Variants in CACNA2D3 observed in about 807,000 individuals in gnomAD.
CACNA2D3 encodes voltage-dependent calcium channel subunit alpha-2/delta-3.
CACNA2D3 carries 60 observed loss-of-function variants against 160.6 expected under a neutral mutation model. The ratio of observed to expected loss-of-function variants is 0.37; its 90% CI spans 0.30 to 0.46. The LOEUF is 0.46. CACNA2D3 is among the 20% of genes least tolerant of loss of function. The pLI, the probability that CACNA2D3 is intolerant of heterozygous loss-of-function variation, is 1.00. For synonymous variants in CACNA2D3, 558 were observed against 492.9 expected (o/e 1.13, Z -1.75); for missense variants, 1,205 against 1,365.0 (o/e 0.88, Z 1.85).
At chr3:54,894,543 C>T (rs1322590861) in intron 25 of CACNA2D3, 1 of 486,332 alleles carries the variant, frequency 2.1e-6, no homozygotes, top group Non-Finnish European at 4.1e-6. Flanking sequence ...GAAAAAGGTC[C>T]CCTGTGGGCA....
chr3:54,859,654 G>T (rs1190312425), intron 17 of CACNA2D3, among the ~76,000 whole-genome samples: 1 of 151,994 alleles, frequency 6.6e-6, no homozygotes, highest in Non-Finnish European at 1.5e-5. Context: ...GGTTTTTATT[G>T]GCTTGGCCAC....
At chr3:54,301,268 A>C (rs1045348053) in intron 2 of CACNA2D3, among the ~76,000 whole-genome samples, 4 of 150,028 alleles carry the variant, frequency 2.7e-5, no homozygotes, top group Admixed American at 6.7e-5. Flanking sequence ...AAACAAACAA[A>C]CAACAACAAC....
Position 54,688,979 on chromosome 3 carries a change from CAAAAAAAAAAAAAAAAA to C in CACNA2D3, c.1167+46754_1167+46770del, listed in dbSNP as rs1162900126. On this transcript the variant is annotated intron_variant, in intron 11 of 37. Coordinates refer to ENST00000474759, the MANE Select transcript of CACNA2D3 (RefSeq NM_018398.3). ...CCTGGGAGACAGTGTGAGACTGTCT[CAAAAAAAAAAAAAAAAA>C]AAAAAAAAAAAAAAAGAATGAGGTT... 5.4e-4 allele frequency among the ~76,000 whole-genome samples: 17 copies of C among 31,440 alleles called. 1 individual carries two copies. Among genetic ancestry groups the C allele is most frequent in the Middle Eastern group, 0.056 (1 of 18 alleles). The allele number at this position is 31,440 out of a possible 152,430, so 20.6% of individuals were successfully genotyped here. A position where few individuals can be genotyped will look rare whatever the true frequency, so the allele number is the denominator to read the frequency against.
intron 11 of CACNA2D3, among the ~76,000 whole-genome samples, chr3:54,681,263 A>T (rs970020537): frequency 8.6e-5 from 13 of 151,624 alleles, no homozygotes; most frequent in African/African-American, 2.9e-4. Context: ...GAGACCAGGC[A>T]CGGTGGCTCA....
rs778138727 is a variant in CACNA2D3, at chr3:54,879,053, G to C, written c.1746G>C (p.Lys582Asn). 6.2e-7 allele frequency: 1 copy of C among 1,606,282 alleles called. No individual in the cohort carries two copies. ...CTATGGTGAATCGAAAGACGGGGAA[G>C]TTTTCCATGGAGGTGAAGAAGACAG... Reference protein sequence around the residue: ...RNAMVNRKTGKFSMEVKKTVD... With the variant: ...RNAMVNRKTGNFSMEVKKTVD... The change falls in exon 19 of 38, where the codon AAG becomes AAC. Residue 582 changes from lysine to asparagine, a missense_variant. Transcript: ENST00000474759.
chr3:54,126,812 C>T (rs957434780), intron 2 of CACNA2D3, among the ~76,000 whole-genome samples: 4 of 152,316 alleles, frequency 2.6e-5, no homozygotes, highest in Admixed American at 6.5e-5. Context: ...CAGGGGTTTC[C>T]GTTCACTTCA....
At position 54,320,623 on chromosome 3, in the gene CACNA2D3, T is replaced by C. The variant is rs1021687123; in HGVS notation, c.321+65T>C. 13 of 718,874 alleles carry C rather than the reference T, an allele frequency of 1.8e-5. No individual in the cohort carries two copies. The Admixed American group carries it at 2.7e-4, about 15-fold the overall frequency. The allele number at this position is 718,874 out of a possible 1,614,324, so 44.5% of individuals were successfully genotyped here. A position where few individuals can be genotyped will look rare whatever the true frequency, so the allele number is the denominator to read the frequency against. On this transcript the variant is annotated intron_variant, in intron 3 of 37. Coordinates refer to ENST00000474759, the MANE Select transcript of CACNA2D3 (RefSeq NM_018398.3). Reference sequence around the variant, plus strand: ...ACAAAGGCAGCTTCAGGGGATGGCATTGATGAACCAATCTCTCAAAGATAA... The same window carrying C: ...ACAAAGGCAGCTTCAGGGGATGGCACTGATGAACCAATCTCTCAAAGATAA...
rs541732577 is a variant in CACNA2D3 at position 54,389,393 on chromosome 3, G to A, written c.381+2619G>A. ...TAGAAAATTATGGTAATTAACTGAG[G>A]CAAGAATCTTCAGTGGATGCTAAAA... On this transcript the variant is annotated intron_variant, in intron 4 of 37. Transcript: ENST00000474759. Among the ~76,000 whole-genome samples the A allele has an allele frequency of 6.6e-5, 10 of 152,176 alleles. No individual in the cohort carries two copies. In the South Asian group the frequency reaches 1.0e-3, roughly 16 times the overall value.
chr3:54,807,798 A>G (rs1362527636), intron 13 of CACNA2D3, among the ~76,000 whole-genome samples: 1 of 151,794 alleles, frequency 6.6e-6, no homozygotes, highest in Non-Finnish European at 1.5e-5. Context: ...AAGACTTGGA[A>G]CCAACCCAAA....
intron 25 of CACNA2D3, among the ~76,000 whole-genome samples, chr3:54,892,283 A>AC (rs1346521974): frequency 2.0e-5 from 3 of 151,916 alleles, no homozygotes; most frequent in Non-Finnish European, 4.4e-5. Context: ...AGAACATTAT[A>AC]CCCCCAACCT....
chr3:54,125,155 T>C (rs1240563747), intron 2 of CACNA2D3, among the ~76,000 whole-genome samples: 1 of 152,194 alleles, frequency 6.6e-6, no homozygotes, highest in Non-Finnish European at 1.5e-5. Context: ...TCAGAGCCTG[T>C]TAATATTTTT....
chr3:54,878,413 C>T (rs1699714645), intron 18 of CACNA2D3, among the ~76,000 whole-genome samples: 1 of 152,066 alleles, frequency 6.6e-6, no homozygotes, highest in Non-Finnish European at 1.5e-5. Context: ...GAGAGCCAGG[C>T]TCGCTGCTCC....
At chr3:54,809,938 A>G (rs1023352419) in intron 13 of CACNA2D3, among the ~76,000 whole-genome samples, 2 of 152,212 alleles carry the variant, frequency 1.3e-5, no homozygotes, top group Non-Finnish European at 2.9e-5. Flanking sequence ...CTAAACAAGT[A>G]AAGAGGAAGA....
At chr3:54,647,883 C>T (rs1699683836) in intron 11 of CACNA2D3, among the ~76,000 whole-genome samples, 2 of 152,238 alleles carry the variant, frequency 1.3e-5, no homozygotes, top group East Asian at 3.9e-4. Flanking sequence ...TATTGGATGC[C>T]ATTTACTTTT....
intron 4 of CACNA2D3, among the ~76,000 whole-genome samples, chr3:54,485,365 G>GGA (rs1328349355): frequency 6.6e-6 from 1 of 152,050 alleles, no homozygotes; most frequent in African/African-American, 2.4e-5. Context: ...TCTAGTTATT[G>GGA]GACACTAAAG....
chr3:54,143,648 C>T (rs546707175), intron 2 of CACNA2D3, among the ~76,000 whole-genome samples: 106 of 152,118 alleles, frequency 7.0e-4, no homozygotes, highest in Admixed American at 5.6e-3. Flanking sequence ...TACAGGCGCC[C>T]GCCAGCATGC....
chr3:54,955,121 C>A (rs1012862830), intron 27 of CACNA2D3, among the ~76,000 whole-genome samples: 5 of 152,112 alleles, frequency 3.3e-5, no homozygotes, highest in African/African-American at 1.2e-4. Context: ...CATGGGGAAT[C>A]GTAGGAGAAT....
At chr3:54,781,834 A>T (rs187305810) in intron 13 of CACNA2D3, among the ~76,000 whole-genome samples, 1 of 152,354 alleles carries the variant, frequency 6.6e-6, no homozygotes, top group East Asian at 1.9e-4. Context: ...GGCCCCTTGC[A>T]TCAGAGCAAA....
intron 27 of CACNA2D3, among the ~76,000 whole-genome samples, chr3:54,942,501 G>A (rs184199798): frequency 4.9e-4 from 74 of 152,252 alleles, no homozygotes; most frequent in African/African-American, 1.7e-3. Flanking sequence ...TCCTCTTAAT[G>A]CATCTCTATT....
Sources: allele counts gnomAD v4.1 joint callset (sites outside exome capture counted in the v4.1 genomes callset), GRCh38; gene constraint gnomAD v4.1.1; transcripts MANE v1.5; gene names NCBI Gene and HGNC (gene_info 2026-07-23, HGNC 2026-07-21).